The following LMNTD1 variants were observed in gnomAD, a reference collection of about 807,000 sequenced individuals.
LMNTD1 encodes lamin tail domain containing 1, also known as lamin tail domain-containing protein 1.
LMNTD1 carries 35 observed loss-of-function variants against 50.9 expected under a neutral mutation model. The observed-to-expected ratio is 0.69, with a 90% confidence interval of 0.53 to 0.91. The LOEUF (loss-of-function observed/expected upper bound fraction) is 0.91. Among genes scored for constraint, LMNTD1 ranks in the 40% least tolerant of loss-of-function variants. LMNTD1 has a pLI of 0.00. For missense variants in LMNTD1, 470 were observed against 475.5 expected, an observed-to-expected ratio of 0.99 and a Z score of 0.11; for synonymous variants, 153 against 161.9, an observed-to-expected ratio of 0.94 and a Z score of 0.42.
intron 1 of LMNTD1, among the ~76,000 whole-genome samples, chr12:25,607,720 CT>C (rs1331341203): frequency 2.0e-5 from 3 of 152,158 alleles, no homozygotes; most frequent in African/African-American, 7.2e-5. Flanking sequence ...GATTTCTGTT[CT>C]TTTACATTGG....
intron 1 of LMNTD1, among the ~76,000 whole-genome samples, chr12:25,610,854 G>T (rs1218256458): frequency 6.6e-6 from 1 of 152,206 alleles, no homozygotes; most frequent in Non-Finnish European, 1.5e-5. Context: ...TCAGAAGAAG[G>T]TGTTGGGTTT....
rs184446218 is a variant in LMNTD1, at chr12:25,537,072, G to T, written c.491+9302C>A. On this transcript the variant is annotated intron_variant, in intron 4 of 9. Transcript: ENST00000458174. ...TTATATCCCACACCTGGCTCGGAGG[G>T]TCCTACCCCATGGAGTCTCCCTGAT... is the stretch of plus-strand genomic sequence containing the variant. Among the ~76,000 whole-genome samples the T allele has an allele frequency of 3.0e-4, 46 of 152,290 alleles. No individual in the cohort carries two copies. In the East Asian group the frequency reaches 8.5e-3, roughly 28 times the overall value.
intron 1 of LMNTD1, among the ~76,000 whole-genome samples, chr12:25,558,499 T>C (rs1407719151): frequency 6.6e-6 from 1 of 152,222 alleles, no homozygotes; most frequent in African/African-American, 2.4e-5. Context: ...AATTTTCAAT[T>C]TTCTTTTTAA....
At chr12:25,518,690 A>C in intron 8 of LMNTD1, 105 bp downstream of exon 8, 2 of 965,414 alleles carry the variant, frequency 2.1e-6, no homozygotes, top group Non-Finnish European at 3.2e-6. Flanking sequence ...GAGAATATGA[A>C]TCATCTTTAA....
At chr12:25,517,616 G>C (rs2136020625) in intron 8 of LMNTD1, among the ~76,000 whole-genome samples, 1 of 120,566 alleles carries the variant, frequency 8.3e-6, no homozygotes, top group African/African-American at 2.9e-5. Flanking sequence ...TAAATGACAA[G>C]TTAATGGGTG....
At chr12:25,531,028 G>A (rs1057450979) in intron 4 of LMNTD1, among the ~76,000 whole-genome samples, 3 of 152,182 alleles carry the variant, frequency 2.0e-5, no homozygotes, top group African/African-American at 7.2e-5. Context: ...GAGATGTAGC[G>A]GCCCATCTGC....
chr12:25,602,471 A>G (rs1373854345), intron 1 of LMNTD1, among the ~76,000 whole-genome samples: 2 of 151,956 alleles, frequency 1.3e-5, no homozygotes, highest in Non-Finnish European at 2.9e-5. Context: ...TTTTTTGTTA[A>G]TTCCCCAGGT....
chr12:25,501,456 G>T (rs1372049212), intron 9 of LMNTD1, among the ~76,000 whole-genome samples: 1 of 152,166 alleles, frequency 6.6e-6, no homozygotes, highest in Non-Finnish European at 1.5e-5. Flanking sequence ...TAAATGTGTG[G>T]TGTTTCTTTC....
intron 1 of LMNTD1, among the ~76,000 whole-genome samples, chr12:25,596,234 A>G (rs1036843342): frequency 6.6e-6 from 1 of 152,154 alleles, no homozygotes; most frequent in Non-Finnish European, 1.5e-5. Context: ...ATGAAGCAGT[A>G]TCACCCTAAT....
intron 1 of LMNTD1, among the ~76,000 whole-genome samples, chr12:25,619,252 C>CTCTCTCTCTCTATATA (rs1374134268): frequency 8.3e-5 from 7 of 84,442 alleles, no homozygotes; most frequent in African/African-American, 3.6e-4. Flanking sequence ...CTCTCTCTCT[C>CTCTCTCTCTCTATATA]TATATATATA....
chr12:25,556,237 T>A (rs962428276), upstream of LMNTD1, among the ~76,000 whole-genome samples: 1 of 152,120 alleles, frequency 6.6e-6, no homozygotes, highest in Non-Finnish European at 1.5e-5. Context: ...CTTCCCAAAG[T>A]GTTGGGATTA....
At chr12:25,646,496 T>C (rs1316484455) in intron 1 of LMNTD1, among the ~76,000 whole-genome samples, 3 of 152,192 alleles carry the variant, frequency 2.0e-5, no homozygotes, top group Non-Finnish European at 2.9e-5. Flanking sequence ...GATCATTTTT[T>C]TTTCTCTTGT....
chr12:25,642,718 C>A (rs1394162357), intron 1 of LMNTD1, among the ~76,000 whole-genome samples: 1 of 152,204 alleles, frequency 6.6e-6, no homozygotes, highest in Non-Finnish European at 1.5e-5. Flanking sequence ...CTCTTTTAAT[C>A]TTCTTTCTCC....
chr12:25,560,669 T>C (rs1944266665), intron 1 of LMNTD1, among the ~76,000 whole-genome samples: 1 of 150,828 alleles, frequency 6.6e-6, no homozygotes, highest in East Asian at 1.9e-4. Flanking sequence ...ATTCTTCCTA[T>C]CCATGAGCAC....
intron 8 of LMNTD1, 59 bp from the exon 9 acceptor site, chr12:25,503,859 G>T (rs904875448): frequency 3.6e-6 from 3 of 843,776 alleles, no homozygotes; most frequent in African/African-American, 1.7e-5. Flanking sequence ...AAGGGCAAGA[G>T]TTCAGTCCAG....
chr12:25,553,384 C>A (rs994599280), upstream of LMNTD1: 13 of 558,770 alleles, frequency 2.3e-5, no homozygotes, highest in Non-Finnish European at 3.2e-5. Flanking sequence ...TGATGCTGTA[C>A]CTTCTTTGCA....
intron 3 of LMNTD1, chr12:25,547,191 A>G: frequency 2.1e-6 from 2 of 964,894 alleles, no homozygotes; most frequent in Middle Eastern, 5.3e-4. Flanking sequence ...CATTCTGGAC[A>G]AATCTAATAA....
At chr12:25,626,527 G>C (rs1222085349) in intron 1 of LMNTD1, among the ~76,000 whole-genome samples, 1 of 151,928 alleles carries the variant, frequency 6.6e-6, no homozygotes, top group African/African-American at 2.4e-5. Flanking sequence ...CTTTTTTTGT[G>C]AACTGAATTC....
At chr12:25,568,545 C>T (rs149137460) in intron 1 of LMNTD1, among the ~76,000 whole-genome samples, 2 of 152,274 alleles carry the variant, frequency 1.3e-5, no homozygotes, top group African/African-American at 2.4e-5. Flanking sequence ...AGGGAAAAGG[C>T]CTGGAAGGCA....
Sources: gnomAD v4.1 joint callset for allele counts (sites outside exome capture counted in the v4.1 genomes callset) on GRCh38, gnomAD v4.1.1 for gene constraint, MANE v1.5 for transcripts, NCBI Gene and HGNC (gene_info 2026-07-23, HGNC 2026-07-21) for gene names.